ERC2: variants seen among roughly 807,000 people sequenced by gnomAD.
The protein encoded by ERC2 is ERC protein 2.
Under a neutral mutation model 114.8 loss-of-function variants are expected in ERC2, and 42 were observed. That is an observed-to-expected ratio of 0.37 (90% confidence interval 0.29 to 0.47). ERC2 has a LOEUF of 0.47. Among genes scored for constraint, ERC2 ranks in the 20% least tolerant of loss-of-function variants. The pLI, the probability that ERC2 is intolerant of heterozygous loss-of-function variation, is 0.99. For missense variants in ERC2, 939 were observed against 1,150.7 expected (o/e 0.82, Z 2.66); for synonymous variants, 454 against 425.5 (o/e 1.07, Z -0.82).
intron 3 of ERC2, among the ~76,000 whole-genome samples, chr3:56,294,286 A>T (rs1310381506): frequency 6.6e-6 from 1 of 152,256 alleles, no homozygotes; most frequent in East Asian, 1.9e-4. Flanking sequence ...CACATTTATT[A>T]TCTCACAGTT....
chr3:55,558,672 C>T (rs780751804), intron 17 of ERC2, among the ~76,000 whole-genome samples: 2 of 152,238 alleles, frequency 1.3e-5, no homozygotes, highest in South Asian at 2.1e-4. Flanking sequence ...GTGAGTGTGG[C>T]CTTTGGCCCA....
intron 6 of ERC2, among the ~76,000 whole-genome samples, chr3:56,116,932 C>T (rs1001953859): frequency 2.6e-5 from 4 of 152,278 alleles, no homozygotes; most frequent in African/African-American, 7.2e-5. Flanking sequence ...AGGCATTATG[C>T]TAAATTTTTC....
At chr3:56,249,380 C>T (rs1242499545) in intron 3 of ERC2, among the ~76,000 whole-genome samples, 1 of 151,960 alleles carries the variant, frequency 6.6e-6, no homozygotes, top group Non-Finnish European at 1.5e-5. Context: ...GGCTGGAGTG[C>T]AGTGGTGCAA....
At chr3:55,956,393 G>A (rs559277636) in intron 12 of ERC2, among the ~76,000 whole-genome samples, 1 of 152,122 alleles carries the variant, frequency 6.6e-6, no homozygotes, top group African/African-American at 2.4e-5. Context: ...CACATTGCAT[G>A]CAGAATTTCC....
intron 17 of ERC2, among the ~76,000 whole-genome samples, chr3:55,569,006 C>T (rs886988861): frequency 2.6e-5 from 4 of 152,164 alleles, no homozygotes; most frequent in Non-Finnish European, 5.9e-5. Flanking sequence ...CACCAAAACT[C>T]GCTCCCTCAC....
chr3:55,750,311 T>C (rs774716089), intron 14 of ERC2, among the ~76,000 whole-genome samples: 1 of 152,224 alleles, frequency 6.6e-6, no homozygotes, highest in Non-Finnish European at 1.5e-5. Context: ...AAGTACGTTG[T>C]TTCATTTAGT....
chr3:56,182,675 C>A (rs1428691349), intron 3 of ERC2, among the ~76,000 whole-genome samples: 1 of 152,144 alleles, frequency 6.6e-6, no homozygotes, highest in East Asian at 1.9e-4. Flanking sequence ...AGAAATTTAT[C>A]CCAGGCAGTC....
chr3:55,821,166 T>C (rs2149155176), intron 14 of ERC2, among the ~76,000 whole-genome samples: 1 of 152,304 alleles, frequency 6.6e-6, no homozygotes. Context: ...ACAGTGAGAT[T>C]AGACTGATGA....
chr3:55,610,408 T>C (rs1006348010), intron 17 of ERC2, among the ~76,000 whole-genome samples: 3 of 151,986 alleles, frequency 2.0e-5, no homozygotes, highest in Admixed American at 1.3e-4. Flanking sequence ...CTTAGAACTT[T>C]ACAAAAGCCA....
intron 2 of ERC2, among the ~76,000 whole-genome samples, chr3:56,338,701 G>A (rs1010989031): frequency 6.6e-6 from 1 of 152,160 alleles, no homozygotes; most frequent in Non-Finnish European, 1.5e-5. Flanking sequence ...CATATACAAA[G>A]TGCCAGGATA....
chr3:56,391,779 T>C (rs376041564), intron 2 of ERC2, among the ~76,000 whole-genome samples: 15 of 152,284 alleles, frequency 9.9e-5, no homozygotes, highest in African/African-American at 3.6e-4. Context: ...AACATCTCTC[T>C]TGGGGGGAGA....
At chr3:56,346,384 C>A (rs558273415) in intron 2 of ERC2, among the ~76,000 whole-genome samples, 1 of 152,100 alleles carries the variant, frequency 6.6e-6, no homozygotes, top group African/African-American at 2.4e-5. Context: ...ATATAAAAAT[C>A]AACTCAAAAT....
intron 3 of ERC2, among the ~76,000 whole-genome samples, chr3:56,209,628 G>C (rs186591694): frequency 6.6e-6 from 1 of 152,182 alleles, no homozygotes; most frequent in Non-Finnish European, 1.5e-5. Flanking sequence ...GATTCAGAAG[G>C]AAGAGCATTG....
chr3:56,029,665 T>G (rs2074259581), intron 7 of ERC2, among the ~76,000 whole-genome samples: 1 of 152,024 alleles, frequency 6.6e-6, no homozygotes, highest in African/African-American at 2.4e-5. Flanking sequence ...ACAGGAACTG[T>G]AATGATAGCT....
intron 17 of ERC2, among the ~76,000 whole-genome samples, chr3:55,575,852 T>C (rs2056950957): frequency 6.6e-6 from 1 of 152,204 alleles, no homozygotes; most frequent in African/African-American, 2.4e-5. Context: ...GGGCTGTGCA[T>C]TAGACACATC....
chr3:55,715,171 T>C (rs1167403977), intron 15 of ERC2, among the ~76,000 whole-genome samples: 2 of 152,154 alleles, frequency 1.3e-5, no homozygotes, highest in Non-Finnish European at 2.9e-5. Context: ...CATGGTTGTG[T>C]CTATGCACAA....
At chr3:55,952,179 ACTCTCTCTCTCTCTCTCT>A (rs775838556) in intron 12 of ERC2, among the ~76,000 whole-genome samples, 31 of 62,060 alleles carry the variant, frequency 5.0e-4, no homozygotes, top group Admixed American at 7.6e-4. Context: ...ACACACACAC[ACTCTCTCTCTCTCTCTCT>A]CTATATATAT....
intron 13 of ERC2, among the ~76,000 whole-genome samples, chr3:55,914,617 C>T (rs1299986402): frequency 1.3e-5 from 2 of 152,154 alleles, no homozygotes; most frequent in Non-Finnish European, 2.9e-5. Context: ...TTCATGAACT[C>T]CCCTGATGCA....
At chr3:55,656,375 C>T (rs1223579247) in intron 17 of ERC2, among the ~76,000 whole-genome samples, 4 of 152,108 alleles carry the variant, frequency 2.6e-5, no homozygotes, top group Non-Finnish European at 5.9e-5. Context: ...CCAGGCTAGT[C>T]TTGAACTCCT....
Sources: gnomAD v4.1 joint callset for allele counts (sites outside exome capture counted in the v4.1 genomes callset) on GRCh38, gnomAD v4.1.1 for gene constraint, MANE v1.5 for transcripts, NCBI Gene and HGNC (gene_info 2026-07-23, HGNC 2026-07-21) for gene names.